LRP1: variants seen among roughly 807,000 people sequenced by gnomAD.
LRP1 encodes prolow-density lipoprotein receptor-related protein 1.
In LRP1, 51 loss-of-function variants were observed where a neutral mutation model predicts 541.5. That is an observed-to-expected ratio of 0.09 (90% confidence interval 0.08 to 0.12). LRP1 has a LOEUF of 0.12. LRP1 is among the 10% of genes least tolerant of loss of function. LRP1 has a pLI of 1.00. For synonymous variants in LRP1, 2,219 were observed against 2,470.8 expected (o/e 0.90, Z 3.02); for missense variants, 3,878 against 6,376.2 (o/e 0.61, Z 13.34).
Position 57,154,766 on chromosome 12 carries a change from G to C in LRP1, c.1227+65G>C, listed in dbSNP as rs763952697. ...GATCCAGGGCCTTCTGGTGAGGGGGGAAGCCTCTGTAGGGGAACCGTTCTC... is the reference window on the plus strand; with the variant it reads ...GATCCAGGGCCTTCTGGTGAGGGGGCAAGCCTCTGTAGGGGAACCGTTCTC... On this transcript the variant is annotated intron_variant, in intron 8 of 88. Transcript: ENST00000243077. The surrounding 1 kb of genome is among the most constrained non-coding windows in gnomAD (Gnocchi z 4.6). 7.0e-7 allele frequency: 1 copy of C among 1,436,772 alleles called. No homozygotes were observed. Among genetic ancestry groups the C allele is most frequent in the Admixed American group, 2.0e-5 (1 of 50,856 alleles). The allele number at this position is 1,436,772 out of a possible 1,614,324, so 89.0% of individuals were successfully genotyped here.
chr12:57,204,610 C>T lies in LRP1; in HGVS notation c.11072-17C>T. 6.2e-7 allele frequency: 1 copy of T among 1,613,438 alleles called. No homozygotes were observed. Among genetic ancestry groups the T allele is most frequent in the Non-Finnish European group, 8.5e-7 (1 of 1,179,654 alleles). ...CCCAAGACTAATTCTGGCTCTGTGT[C>T]CCCCTGGCTGCTGCAGCCCGGTTCG... is the stretch of plus-strand genomic sequence containing the variant. On this transcript the variant is annotated splice_polypyrimidine_tract_variant and intron_variant, in intron 71 of 88. Coordinates refer to ENST00000243077, the MANE Select transcript of LRP1 (RefSeq NM_002332.3). The surrounding 1 kb of genome is among the most constrained non-coding windows in gnomAD (Gnocchi z 5.3).
rs979362232 is a variant in LRP1 at position 57,193,253 on chromosome 12, G to A, written c.7633G>A (p.Asp2545Asn). Residue 2545 changes from aspartate (D) to asparagine (N), a missense_variant, in exon 46 of 89, where the codon GAC becomes AAC. Asp to Asn is a conservative substitution (Grantham distance 23). Around this residue, in one of 13 missense-constraint regions of LRP1, gnomAD observed 1,100 missense variants for 1,827.4 expected, o/e 0.60. Transcript: ENST00000243077. ...GTGCATCAACTTCAGCCTGACCTGC[G>A]ACGGCGTCCCCCACTGCAAGGACAA... ...GECINFSLTC[D>N]GVPHCKDKSD... 7 of 1,613,948 alleles carry A rather than the reference G, an allele frequency of 4.3e-6. No homozygotes were observed. Among genetic ancestry groups the A allele is most frequent in the Admixed American group, 3.3e-5 (2 of 60,014 alleles).
At chr12:57,202,944 C>A (rs566921399) in intron 68 of LRP1, 2 of 575,070 alleles carry the variant, frequency 3.5e-6, no homozygotes, top group Non-Finnish European at 6.2e-6. Context: ...GAGGGCAAGG[C>A]CAGGGACCTG....
Position 57,166,141 on chromosome 12 carries a change from A to G in LRP1, c.2729A>G (p.Asn910Ser). 1 of 1,614,178 alleles carries G rather than the reference A, an allele frequency of 6.2e-7. No homozygotes were observed. The highest frequency in any genetic ancestry group is 8.5e-7 in the Non-Finnish European group (1 of 1,180,022). ...FKCENNRCIP[N>S]RWLCDGDNDC... ...TGCGAGAACAACCGGTGCATCCCCA[A>G]CCGCTGGCTCTGCGACGGGGACAAT... The change falls in exon 17 of 89, where the codon AAC (asparagine) becomes AGC (serine). Residue 910 changes from asparagine (N) to serine (S), a missense_variant. By Grantham distance (46) the Asn-to-Ser change is conservative (BLOSUM62 1). This residue lies in a region of LRP1 where 496 missense variants were observed against 861.0 expected (regional missense o/e 0.58). Coordinates refer to ENST00000243077, the MANE Select transcript of LRP1 (RefSeq NM_002332.3).
In LRP1 at chr12:57,202,466, G is replaced by A; in HGVS notation, c.10640G>A (p.Arg3547His). The change falls in exon 68 of 89, where the codon CGC (arginine) becomes CAC (histidine). Residue 3547 changes from arginine (R) to histidine (H), a missense_variant. Physicochemically the swap from Arg to His is conservative, Grantham distance 29. Around this residue, in one of 13 missense-constraint regions of LRP1, gnomAD observed 278 missense variants for 536.3 expected, o/e 0.52. Transcript: ENST00000243077. ...TACCAGTTCCGCTGCAAGAACAACC[G>A]CTGCGTGCCCGGCCGCTGGCAGTGC... Reference protein sequence around the residue: ...EPYQFRCKNNRCVPGRWQCDY... With the variant: ...EPYQFRCKNNHCVPGRWQCDY... 1 of 1,613,614 alleles carries A rather than the reference G, an allele frequency of 6.2e-7. No individual in the cohort carries two copies. Among genetic ancestry groups the A allele is most frequent in the Non-Finnish European group, 8.5e-7 (1 of 1,180,004 alleles).
intron 15 of LRP1, chr12:57,164,597 G>A (rs534946257): frequency 1.3e-5 from 2 of 152,140 alleles, no homozygotes; most frequent in Non-Finnish European, 2.9e-5. Context: ...AAAACATCCT[G>A]GTGGGAAAAG....
At chr12:57,163,560 C>T (rs1444094558) in intron 15 of LRP1, among the ~76,000 whole-genome samples, 1 of 146,758 alleles carries the variant, frequency 6.8e-6, no homozygotes, top group African/African-American at 2.6e-5. Context: ...GCCTAGGCGA[C>T]AGATGGAGAC....
Position 57,211,114 on chromosome 12 carries a change from A to G in LRP1, c.12917-62A>G, listed in dbSNP as rs1402245636. 2 of 1,561,314 alleles carry G rather than the reference A, an allele frequency of 1.3e-6. No individual in the cohort carries two copies. The highest frequency in any genetic ancestry group is 1.7e-4 in the Middle Eastern group (1 of 5,936). The stretch of plus-strand genomic sequence containing the variant: ...TTATGCAAACAGAAAAGCTCTGTTC[A>G]ACCTATGGAGAGCCCTCATGAGGGT... On this transcript the variant is annotated intron_variant, in intron 83 of 88. Coordinates refer to ENST00000243077, the MANE Select transcript of LRP1 (RefSeq NM_002332.3). The surrounding 1 kb of genome is among the most constrained non-coding windows in gnomAD (Gnocchi z 4.3).
chr12:57,210,689 A>G (rs143286581), intron 82 of LRP1, 29 bp from the exon 83 acceptor site: 165 of 1,592,974 alleles, frequency 1.0e-4, no homozygotes, highest in Non-Finnish European at 1.3e-4. Context: ...CGAGGGCCAC[A>G]GTCGCGCTCA....
Position 57,206,793 on chromosome 12 carries a change from G to A in LRP1, c.11859+52G>A, listed in dbSNP as rs376582973. 6.4e-3 allele frequency: 10,108 copies of A among 1,584,982 alleles called. 42 individuals are homozygous for A. The highest frequency in any genetic ancestry group is 8.0e-3 in the Non-Finnish European group (9,396 of 1,168,088). ...AGTGGAAGAGCTCCATAGAGCAGGCGGTTCAGAGCAGGATTTGAAAAGGGC... is the reference window on the plus strand; with the variant it reads ...AGTGGAAGAGCTCCATAGAGCAGGCAGTTCAGAGCAGGATTTGAAAAGGGC... On this transcript the variant is annotated intron_variant, in intron 76 of 88. Coordinates refer to ENST00000243077, the MANE Select transcript of LRP1 (RefSeq NM_002332.3). The surrounding 1 kb of genome is among the most constrained non-coding windows in gnomAD (Gnocchi z 4.7).
rs35890409 is a variant in LRP1, at chr12:57,175,556, G to T, written c.3644G>T (p.Gly1215Val). ...TCCTGCCCTCTGGGCATGGAGCTGG[G>T]GCCCGACAACCACACCTGCCAGATC... ...VCSCPLGMELGPDNHTCQIQS... is the reference protein window; with the variant it reads ...VCSCPLGMELVPDNHTCQIQS... The change falls in exon 23 of 89, where the codon GGG (glycine) becomes GTG (valine). Residue 1215 changes from glycine to valine, a missense_variant. This residue lies in a region of LRP1 where 320 missense variants were observed against 547.9 expected (regional missense o/e 0.58). Coordinates refer to ENST00000243077, the MANE Select transcript of LRP1 (RefSeq NM_002332.3). 5.0e-6 allele frequency: 8 copies of T among 1,614,196 alleles called. No homozygotes were observed. In the South Asian group the frequency reaches 8.8e-5, roughly 18 times the overall value.
In LRP1 at chr12:57,156,373, T is replaced by C. The variant is rs2035620129; in HGVS notation, c.1417+90T>C. ...ATCACAGCCCCTCTCTGGGCCCTCC[T>C]GTGGGGACCCTGGCTTCTTTCATGT... On this transcript the variant is annotated intron_variant, in intron 9 of 88. Transcript: ENST00000243077. The surrounding 1 kb of genome is among the most constrained non-coding windows in gnomAD (Gnocchi z 5.2). The C allele has an allele frequency of 3.8e-6, 5 of 1,321,464 alleles. No individual in the cohort carries two copies. The highest frequency in any genetic ancestry group is 5.2e-6 in the Non-Finnish European group (5 of 968,456). 81.9% of individuals were successfully genotyped at this position (1,321,464 alleles called of 1,614,324 possible).
chr12:57,173,159 C>G lies in LRP1; in HGVS notation c.3164-9C>G, dbSNP rs751747971. 5.5e-5 allele frequency: 88 copies of G among 1,597,366 alleles called. No homozygotes were observed. Among genetic ancestry groups the G allele is most frequent in the Non-Finnish European group, 7.4e-5 (87 of 1,170,532 alleles). ...CTCCCTCCTGAGGCCCTCCACTGTCCCTCTGCAGCCACGAGGCCCCCTGGT... is the reference window on the plus strand; with the variant it reads ...CTCCCTCCTGAGGCCCTCCACTGTCGCTCTGCAGCCACGAGGCCCCCTGGT... On this transcript the variant is annotated splice_polypyrimidine_tract_variant and intron_variant, in intron 20 of 88. Transcript: ENST00000243077. The surrounding 1 kb of genome is among the most constrained non-coding windows in gnomAD (Gnocchi z 4.7).
Position 57,154,170 on chromosome 12 carries a change from CTA to C in LRP1, c.842-37_842-36del, listed in dbSNP as rs769428472. ...AGGGTGGGCATCTCTGCAAGAGGGC[CTA>C]CCCCACCCCATGGCTCTTTCATTCG... is the stretch of plus-strand genomic sequence containing the variant. On this transcript the variant is annotated intron_variant, in intron 6 of 88. Transcript: ENST00000243077. The surrounding 1 kb of genome is among the most constrained non-coding windows in gnomAD (Gnocchi z 4.6). 1 of 1,589,850 alleles carries C rather than the reference CTA, an allele frequency of 6.3e-7. No individual in the cohort carries two copies. The highest frequency in any genetic ancestry group is 8.6e-7 in the Non-Finnish European group (1 of 1,162,520).
chr12:57,135,093 ATG>A (rs911836373), intron 1 of LRP1, among the ~76,000 whole-genome samples: 1 of 152,026 alleles, frequency 6.6e-6, no homozygotes, highest in African/African-American at 2.4e-5. Flanking sequence ...CAGCTCCCCC[ATG>A]TGTGAGAGGG....
rs775381737 is a variant in LRP1, at chr12:57,196,176, G to A, written c.8791G>A (p.Gly2931Ser). The A allele has an allele frequency of 1.2e-6, 2 of 1,612,876 alleles. No homozygotes were observed. Reference protein sequence around the residue: ...ALLCNGQDDCGDSSDERGCHI... With the variant: ...ALLCNGQDDCSDSSDERGCHI... ...GCTCTGCAACGGCCAGGATGACTGT[G>A]GCGACAGCTCGGACGAGCGTGGCTG... Residue 2931 changes from glycine to serine, a missense_variant, in exon 55 of 89, where the codon GGC becomes AGC. Coordinates refer to ENST00000243077, the MANE Select transcript of LRP1 (RefSeq NM_002332.3).
At chr12:57,176,905 C>A (rs2036058645) in intron 24 of LRP1, 136 bp from the exon 25 acceptor site, 5 of 695,422 alleles carry the variant, frequency 7.2e-6, no homozygotes, top group Non-Finnish European at 1.2e-5. Flanking sequence ...GAGTCCTACT[C>A]TTGAATATGG....
chr12:57,149,709 G>A (rs375834328), intron 6 of LRP1: 6 of 736,014 alleles, frequency 8.2e-6, no homozygotes, highest in Non-Finnish European at 1.2e-5. Flanking sequence ...CCAGGAGAAC[G>A]AGGTGACACA....
At chr12:57,180,295 G>A (rs925440472) in intron 31 of LRP1, 35 bp from the exon 32 acceptor site, 2 of 1,611,314 alleles carry the variant, frequency 1.2e-6, no homozygotes, top group Non-Finnish European at 1.7e-6. Context: ...CCAGCCCTGG[G>A]CCAGACTCCC....
Sources: allele counts gnomAD v4.1 joint callset (sites outside exome capture counted in the v4.1 genomes callset), GRCh38; gene constraint gnomAD v4.1.1; regional missense constraint gnomAD v4.1.1; non-coding constraint Gnocchi (gnomAD v3.1); transcripts MANE v1.5; gene names NCBI Gene and HGNC (gene_info 2026-07-23, HGNC 2026-07-21).